CACNA1I: variants seen among roughly 807,000 people sequenced by gnomAD.
CACNA1I encodes calcium voltage-gated channel subunit alpha1 I, also known as voltage-dependent T-type calcium channel subunit alpha-1I.
In CACNA1I, 74 loss-of-function variants were observed where a neutral mutation model predicts 201.6. The ratio of observed to expected loss-of-function variants is 0.37; its 90% CI spans 0.30 to 0.45. The LOEUF is 0.45. Ranked by LOEUF, CACNA1I falls within the 20% of genes least tolerant of loss-of-function variation. The pLI, the probability that CACNA1I is intolerant of heterozygous loss-of-function variation, is 1.00. For missense variants in CACNA1I, 2,346 were observed against 3,138.1 expected, an observed-to-expected ratio of 0.75 and a Z score of 6.03; for synonymous variants, 1,431 against 1,345.2, an observed-to-expected ratio of 1.06 and a Z score of -1.40.
chr22:39,663,616 C>T (rs765118022), intron 18 of CACNA1I, 102 bp from the exon 19 acceptor site: 17 of 1,414,566 alleles, frequency 1.2e-5, no homozygotes, highest in Middle Eastern at 1.9e-4. Flanking sequence ...GTTGCTTCCT[C>T]GAGGCCAGCG....
intron 4 of CACNA1I, among the ~76,000 whole-genome samples, chr22:39,632,711 G>T (rs1032421454): frequency 1.3e-5 from 2 of 152,238 alleles, no homozygotes; most frequent in African/African-American, 4.8e-5. Flanking sequence ...GTGAGTGAAT[G>T]AATGAATGAA....
At chr22:39,611,745 A>G (rs1421171480) in intron 3 of CACNA1I, among the ~76,000 whole-genome samples, 1 of 152,186 alleles carries the variant, frequency 6.6e-6, no homozygotes, top group African/African-American at 2.4e-5. Context: ...AAGTAACCCA[A>G]ATGGAGGCTT....
At chr22:39,621,497 C>A (rs1192370398) in intron 4 of CACNA1I, among the ~76,000 whole-genome samples, 1 of 152,178 alleles carries the variant, frequency 6.6e-6, no homozygotes, top group Non-Finnish European at 1.5e-5. Context: ...GCAGGCCTGG[C>A]GGGGCAGGAG....
chr22:39,603,297 C>A (rs1477681282), intron 3 of CACNA1I, among the ~76,000 whole-genome samples: 2 of 152,130 alleles, frequency 1.3e-5, no homozygotes, highest in Admixed American at 6.6e-5. Flanking sequence ...TTTGTCCATG[C>A]CTTTCCCCTT....
In CACNA1I at chr22:39,659,651, G is replaced by C. The variant is rs1290454165; in HGVS notation, c.2449-46G>C. Reference sequence around the variant, plus strand: ...CTCCCATGCCTCCTTGTAGAGCCTAGCCCTGGACTAGGGGTACCCCAGGGC... The same window carrying C: ...CTCCCATGCCTCCTTGTAGAGCCTACCCCTGGACTAGGGGTACCCCAGGGC... On this transcript the variant is annotated intron_variant, in intron 13 of 36. Transcript: ENST00000402142. The surrounding 1 kb of genome is among the most constrained non-coding windows in gnomAD (Gnocchi z 4.3). 6.2e-7 allele frequency: 1 copy of C among 1,611,448 alleles called. No individual in the cohort carries two copies. Among genetic ancestry groups the C allele is most frequent in the African/African-American group, 1.3e-5 (1 of 74,860 alleles).
intron 23 of CACNA1I, 41 bp from the exon 24 acceptor site, chr22:39,668,251 A>T: frequency 7.8e-7 from 1 of 1,276,208 alleles, no homozygotes; most frequent in Non-Finnish European, 1.1e-6. Context: ...GGAGTCACTC[A>T]CAGTCCTCAC....
At chr22:39,625,236 G>A (rs1933865797) in intron 4 of CACNA1I, among the ~76,000 whole-genome samples, 1 of 152,168 alleles carries the variant, frequency 6.6e-6, no homozygotes. Flanking sequence ...GTAGCCCGTA[G>A]CTTTTAGTCT....
intron 2 of CACNA1I, 124 bp from the exon 3 acceptor site, chr22:39,600,396 T>C (rs536244106): frequency 4.2e-6 from 3 of 722,640 alleles, no homozygotes; most frequent in South Asian, 3.5e-5. Flanking sequence ...CAGGAGGAGT[T>C]TCCGGGTGTT....
intron 3 of CACNA1I, among the ~76,000 whole-genome samples, chr22:39,617,649 T>C (rs780935580): frequency 6.6e-6 from 1 of 152,044 alleles, no homozygotes; most frequent in Non-Finnish European, 1.5e-5. Context: ...TTCTACAAAA[T>C]GTGAAAATGA....
At chr22:39,637,652 G>A (rs578045504) in intron 5 of CACNA1I, among the ~76,000 whole-genome samples, 1 of 152,322 alleles carries the variant, frequency 6.6e-6, no homozygotes, top group Admixed American at 6.5e-5. Flanking sequence ...AAGTGGCAGT[G>A]TACTCACTCA....
rs577105073 is a variant in CACNA1I, at chr22:39,571,030, T to C, written c.236+42T>C. 7.2e-6 allele frequency: 11 copies of C among 1,531,864 alleles called. No individual in the cohort carries two copies. In the East Asian group the frequency reaches 2.5e-4, roughly 34 times the overall value. 94.9% of individuals were successfully genotyped at this position (1,531,864 alleles called of 1,614,324 possible). A position where few individuals can be genotyped will look rare whatever the true frequency, so the allele number is the denominator to read the frequency against. On this transcript the variant is annotated intron_variant, in intron 1 of 36. Transcript: ENST00000402142. ...CGGCTGATCGGGGCCCTGCAGGGGC[T>C]GAAGGGTGGGGGGCTGGATTGAGTC...
chr22:39,664,801 G>A lies in CACNA1I; in HGVS notation c.3729G>A (p.Leu1243=). Residue 1243 remains leucine, a synonymous_variant, in exon 21 of 37, where the codon CTG becomes CTA. Transcript: ENST00000402142. The part of the protein sequence containing the change: ...QAYLRSSWNV[L]DGFLVFVSII... ...ACCTACGCAGCAGCTGGAACGTGCT[G>A]GATGGCTTTCTTGTCTTCGTGTCCA... 6.2e-7 allele frequency: 1 copy of A among 1,612,888 alleles called. No individual in the cohort carries two copies. The highest frequency in any genetic ancestry group is 8.5e-7 in the Non-Finnish European group (1 of 1,179,740).
chr22:39,605,900 G>T (rs1473949076), intron 3 of CACNA1I, among the ~76,000 whole-genome samples: 2 of 152,232 alleles, frequency 1.3e-5, no homozygotes, highest in South Asian at 4.1e-4. Context: ...TCTGGGGGGT[G>T]GGTGCTAAGA....
chr22:39,604,848 G>A (rs1033764451), intron 3 of CACNA1I, among the ~76,000 whole-genome samples: 1 of 152,000 alleles, frequency 6.6e-6, no homozygotes, highest in Admixed American at 6.6e-5. Flanking sequence ...GAAGCGCTGG[G>A]ATACAGGTGT....
intron 4 of CACNA1I, among the ~76,000 whole-genome samples, chr22:39,632,110 G>A (rs1601479434): frequency 6.6e-6 from 1 of 152,160 alleles, no homozygotes; most frequent in African/African-American, 2.4e-5. Flanking sequence ...GAGAACAAGG[G>A]AGATGTAATT....
intron 1 of CACNA1I, chr22:39,587,680 C>T (rs1932771449): frequency 4.5e-6 from 2 of 441,086 alleles, no homozygotes; most frequent in Non-Finnish European, 9.1e-6. Context: ...AGAGATGATG[C>T]CCATTCCTGC....
chr22:39,634,650 C>T lies in CACNA1I; in HGVS notation c.666C>T (p.Ile222=), dbSNP rs1372076724. ...VLLLCFFVFF[I]FGIIGVQLWA... ...TGCTCTGCTTCTTTGTCTTCTTCAT[C>T]TTTGGCATCATAGGTGTGCAGCTCT... The change falls in exon 5 of 37, where the codon ATC becomes ATT. Residue 222 remains isoleucine (I), a synonymous_variant. Transcript: ENST00000402142. The T allele has an allele frequency of 6.2e-7, 1 of 1,613,964 alleles. No individual in the cohort carries two copies. Among genetic ancestry groups the T allele is most frequent in the East Asian group, 2.2e-5 (1 of 44,896 alleles).
rs576135220 is a variant in CACNA1I at position 39,647,863 on chromosome 22, G to A, written c.1504G>A (p.Gly502Arg). ...TCAGGGAGATGAAGGGAGACATCTC[G>A]GAAGCCGGCATTGCCAGACTTTGCA... The part of the protein sequence containing the change: ...KGQGDEGRHL[G>R]SRHCQTLHGP... Residue 502 changes from glycine (G) to arginine (R), a missense_variant, in exon 9 of 37, where the codon GGA (glycine) becomes AGA (arginine). Physicochemically the swap from Gly to Arg is moderately radical, Grantham distance 125 (BLOSUM62 -2). Coordinates refer to ENST00000402142, the MANE Select transcript of CACNA1I (RefSeq NM_021096.4). 7.4e-6 allele frequency: 12 copies of A among 1,613,600 alleles called. No individual in the cohort carries two copies. The Admixed American group carries it at 1.0e-4, about 13-fold the overall frequency.
chr22:39,639,406 G>T (rs560595726), intron 5 of CACNA1I, among the ~76,000 whole-genome samples: 65 of 152,176 alleles, frequency 4.3e-4, no homozygotes, highest in African/African-American at 1.5e-3. Context: ...AGCCAGGATG[G>T]TTATACCTAT....
Sources: allele counts gnomAD v4.1 joint callset (sites outside exome capture counted in the v4.1 genomes callset), GRCh38; gene constraint gnomAD v4.1.1; non-coding constraint Gnocchi (gnomAD v3.1); transcripts MANE v1.5; gene names NCBI Gene and HGNC (gene_info 2026-07-23, HGNC 2026-07-21).